Variants in AKAP11 observed in about 807,000 individuals in gnomAD.
AKAP11 encodes A-kinase anchor protein 11.
In AKAP11, 36 loss-of-function variants were observed where a neutral mutation model predicts 146.1. The observed-to-expected ratio is 0.25, with a 90% CI of 0.19 to 0.33. AKAP11 has a LOEUF of 0.33. Ranked by LOEUF, AKAP11 falls within the 10% of genes least tolerant of loss-of-function variation. The pLI is 1.00. For synonymous variants in AKAP11, 780 were observed against 786.5 expected (o/e 0.99, Z 0.14); for missense variants, 2,201 against 2,197.0 (o/e 1.00, Z -0.04).
In AKAP11 at chr13:42,303,574, G is replaced by C; in HGVS notation, c.4828G>C (p.Gly1610Arg). The C allele has an allele frequency of 6.2e-7, 1 of 1,614,112 alleles. No individual in the cohort carries two copies. The highest frequency in any genetic ancestry group is 1.7e-5 in the Admixed American group (1 of 60,014). The change falls in exon 8 of 13, where the codon GGT (glycine) becomes CGT (arginine). Residue 1610 changes from glycine to arginine, a missense_variant. Physicochemically the swap from Gly to Arg is moderately radical, Grantham distance 125. Transcript: ENST00000025301. ...TTCATCTCAGCACTTTTTCAGACAG[G>C]GTTCTCTCGCCAGTAGTAAGCCAGC... Reference protein sequence around the residue: ...GNSSQHFFRQGSLASSKPASN... With the variant: ...GNSSQHFFRQRSLASSKPASN...
At position 42,319,069 on chromosome 13, in the gene AKAP11, A is replaced by C. The variant is rs1420547078; in HGVS notation, c.5566-19A>C. Reference sequence around the variant, plus strand: ...TAAAATTGTTTTTGGTTAATGTTTGACACATCTTTCTTTCTTAGCTTTCAA... The same window carrying C: ...TAAAATTGTTTTTGGTTAATGTTTGCCACATCTTTCTTTCTTAGCTTTCAA... On this transcript the variant is annotated intron_variant, in intron 12 of 12. Coordinates refer to ENST00000025301, the MANE Select transcript of AKAP11 (RefSeq NM_016248.4). 6.2e-7 allele frequency: 1 copy of C among 1,609,606 alleles called. No homozygotes were observed. Among genetic ancestry groups the C allele is most frequent in the Admixed American group, 1.7e-5 (1 of 59,324 alleles).
chr13:42,312,857 C>T (rs937524409), intron 9 of AKAP11, among the ~76,000 whole-genome samples, 190 bp from the exon 10 acceptor site: 7 of 152,150 alleles, frequency 4.6e-5, no homozygotes, highest in Non-Finnish European at 7.4e-5. Flanking sequence ...AAAAAACTCC[C>T]GAATCTCTGA....
At position 42,303,358 on chromosome 13, in the gene AKAP11, C is replaced by T. The variant is rs1433086103; in HGVS notation, c.4612C>T (p.Gln1538Ter). 1 of 1,612,934 alleles carries T rather than the reference C, an allele frequency of 6.2e-7. No homozygotes were observed. The highest frequency in any genetic ancestry group is 8.5e-7 in the Non-Finnish European group (1 of 1,180,024). Residue 1538 changes from glutamine (Q) to a stop codon, truncating the protein, a stop_gained, in exon 8 of 13, where the codon CAA (glutamine) becomes TAA (stop). Transcript: ENST00000025301. LOFTEE classifies it high-confidence loss of function. ...ATATGGTTGTGGAGACAATGTTGTT[C>T]AAGCTGTAGAACAGTATGCCAAAAA... Reference protein sequence around the residue: ...NGYGCGDNVVQAVEQYAKKVV... With the variant: ...NGYGCGDNVV
chr13:42,299,241 A>G, intron 7 of AKAP11, 122 bp from the exon 8 acceptor site: 1 of 820,884 alleles, frequency 1.2e-6, no homozygotes, highest in Admixed American at 3.0e-5. Context: ...TTTCTGTTAA[A>G]CATAGTTTAG....
In AKAP11 at chr13:42,313,006, T is replaced by A. The variant is rs553201398; in HGVS notation, c.5274-41T>A. The A allele has an allele frequency of 1.9e-5, 29 of 1,545,078 alleles. No homozygotes were observed. The South Asian group carries it at 3.0e-4, about 16-fold the overall frequency. ...AGGAAACAAAGGTCTTTTCTACTAT[T>A]CATTTTCTAGTTCAGCTCTGTTCTT... On this transcript the variant is annotated intron_variant, in intron 9 of 12. Transcript: ENST00000025301.
chr13:42,298,610 TCTC>T lies in AKAP11; in HGVS notation c.432_434del (p.Leu145del). On this transcript the variant is annotated inframe_deletion, in exon 7 of 13. Coordinates refer to ENST00000025301, the MANE Select transcript of AKAP11 (RefSeq NM_016248.4). ...GACTTAGGATTGATTTTATCTTTAG[TCTC>T]CTAAGTAAATATGCTACTGGTATAA... 6.2e-7 allele frequency: 1 copy of T among 1,612,578 alleles called. No individual in the cohort carries two copies. Among genetic ancestry groups the T allele is most frequent in the Non-Finnish European group, 8.5e-7 (1 of 1,179,350 alleles).
chr13:42,279,199 G>T (rs1265769741), intron 1 of AKAP11, among the ~76,000 whole-genome samples: 1 of 135,116 alleles, frequency 7.4e-6, no homozygotes, highest in African/African-American at 2.8e-5. Context: ...GAAGTTCTCT[G>T]CTATTTTGTC....
chr13:42,312,152 C>T (rs1447962149), intron 9 of AKAP11, among the ~76,000 whole-genome samples: 1 of 152,176 alleles, frequency 6.6e-6, no homozygotes, highest in African/African-American at 2.4e-5. Context: ...CTGCTTATCA[C>T]TGCAAACTAA....
chr13:42,282,102 G>A lies in AKAP11; in HGVS notation c.-99-3884G>A, dbSNP rs141519134. On this transcript the variant is annotated intron_variant, in intron 1 of 12. Transcript: ENST00000025301. ...TTGTGCCTCAGCCTCCCGAGTGGCC[G>A]GGATTACAGGCATATACCACCACAC... 8.4e-3 allele frequency among the ~76,000 whole-genome samples: 1,275 copies of A among 151,406 alleles called. 11 individuals carry two copies. Among genetic ancestry groups the A allele is most frequent in the South Asian group, 0.035 (166 of 4,794 alleles).
intron 4 of AKAP11, 53 bp downstream of exon 4, chr13:42,292,554 A>C (rs975572756): frequency 1.8e-6 from 2 of 1,128,434 alleles, no homozygotes; most frequent in South Asian, 1.8e-5. Context: ...GCATATTTTC[A>C]TGCATCTTTG....
At chr13:42,299,312 C>T (rs368955041) in intron 7 of AKAP11, 51 bp from the exon 8 acceptor site, 17 of 1,492,672 alleles carry the variant, frequency 1.1e-5, no homozygotes, top group African/African-American at 1.1e-4. Context: ...AAGTTAATTT[C>T]CAAAAAGTTT....
intron 11 of AKAP11, among the ~76,000 whole-genome samples, chr13:42,315,647 T>C (rs1566293989): frequency 6.6e-6 from 1 of 152,224 alleles, no homozygotes; most frequent in Admixed American, 6.5e-5. Flanking sequence ...ACCAGGCTGT[T>C]AAGGATTTCT....
At chr13:42,316,915 G>T (rs918102894) in intron 11 of AKAP11, among the ~76,000 whole-genome samples, 1 of 152,140 alleles carries the variant, frequency 6.6e-6, no homozygotes, top group Non-Finnish European at 1.5e-5. Flanking sequence ...ACAAAGTCTT[G>T]CTCTGTTGCC....
chr13:42,314,526 T>C (rs1960724326), intron 11 of AKAP11, among the ~76,000 whole-genome samples: 1 of 151,434 alleles, frequency 6.6e-6, no homozygotes, highest in Non-Finnish European at 1.5e-5. Context: ...ACAGTCTCTC[T>C]ACATAATTAT....
intron 3 of AKAP11, among the ~76,000 whole-genome samples, chr13:42,290,589 T>C (rs1023877500): frequency 6.6e-6 from 1 of 152,206 alleles, no homozygotes; most frequent in African/African-American, 2.4e-5. Flanking sequence ...ATTCTGTCCA[T>C]ACTAGCCAGC....
rs760913015 is a variant in AKAP11, at chr13:42,300,968, C to G, written c.2222C>G (p.Thr741Arg). The change falls in exon 8 of 13, where the codon ACG becomes AGG. Residue 741 changes from threonine (T) to arginine (R), a missense_variant. Transcript: ENST00000025301. ...GTAGTGCCATCGACACAGGCTGTCACGTTTTCCCCTTCTTTTCACAATCAA... is the reference window on the plus strand; with the variant it reads ...GTAGTGCCATCGACACAGGCTGTCAGGTTTTCCCCTTCTTTTCACAATCAA... ...ESVVPSTQAV[T>R]FSPSFHNQAI... is the part of the protein sequence containing the mutation. 2 of 1,614,090 alleles carry G rather than the reference C, an allele frequency of 1.2e-6. No individual in the cohort carries two copies. The highest frequency in any genetic ancestry group is 1.7e-6 in the Non-Finnish European group (2 of 1,179,968).
Position 42,308,486 on chromosome 13 carries a change from A to T in AKAP11, c.5150A>T (p.Glu1717Val), listed in dbSNP as rs1960394040. Residue 1717 changes from glutamate (E) to valine (V), a missense_variant, in exon 9 of 13, where the codon GAG becomes GTG. Around this residue, in one of 3 missense-constraint regions of AKAP11, gnomAD observed 1,867 missense variants for 1,833.5 expected, o/e 1.02. Transcript: ENST00000025301. The part of the protein sequence containing the change: ...SKEIEDFQST[E>V]SVSSQQMNLS... ...GAAATAGAAGACTTTCAGTCAACCG[A>T]GTCTGTCAGTAGCCAGCAGATGAAC... is the stretch of plus-strand genomic sequence containing the variant. The T allele has an allele frequency of 6.2e-7, 1 of 1,605,398 alleles. No individual in the cohort carries two copies. Among genetic ancestry groups the T allele is most frequent in the African/African-American group, 1.3e-5 (1 of 74,788 alleles).
intron 4 of AKAP11, among the ~76,000 whole-genome samples, chr13:42,294,049 A>T (rs1352673126): frequency 6.6e-6 from 1 of 152,220 alleles, no homozygotes; most frequent in African/African-American, 2.4e-5. Flanking sequence ...AGATGCCTAG[A>T]AGTTAACTGT....
At chr13:42,295,666 T>A (rs1959469122) in intron 4 of AKAP11, 29 bp from the exon 5 acceptor site, 1 of 1,603,838 alleles carries the variant, frequency 6.2e-7, no homozygotes, top group Non-Finnish European at 8.5e-7. Flanking sequence ...AAATTCAAAT[T>A]AATGGAGGTT....
Sources: allele counts gnomAD v4.1 joint callset (sites outside exome capture counted in the v4.1 genomes callset), GRCh38; gene constraint gnomAD v4.1.1; regional missense constraint gnomAD v4.1.1; transcripts MANE v1.5; gene names NCBI Gene and HGNC (gene_info 2026-07-23, HGNC 2026-07-21).